MEIKIN: variants seen among roughly 807,000 people sequenced by gnomAD.
The protein encoded by MEIKIN is meiosis-specific kinetochore protein.
intron 8 of MEIKIN, among the ~76,000 whole-genome samples, chr5:131,903,870 C>T (rs76004030): frequency 0.089 from 13,527 of 151,744 alleles, 764 homozygotes; most frequent in East Asian, 0.18. Context: ...CAAAACCCAA[C>T]AGTATGCTGT....
rs374521773 is a variant in MEIKIN at position 131,910,763 on chromosome 5, TA to T, written c.703+1051del. On this transcript the variant is annotated intron_variant, in intron 8 of 12. Transcript: ENST00000442687. ...TAAAAAAATTGTAAAAAGAAATGTG[TA>T]AAAAAAAATCTCTAGAGTAAGTGGC... Among the ~76,000 whole-genome samples the T allele has an allele frequency of 5.4e-3, 819 of 151,332 alleles. 11 individuals are homozygous for T. Among genetic ancestry groups the T allele is most frequent in the South Asian group, 0.041 (196 of 4,804 alleles).
At chr5:131,843,546 T>C (rs1263186286) in intron 11 of MEIKIN, among the ~76,000 whole-genome samples, 1 of 152,248 alleles carries the variant, frequency 6.6e-6, no homozygotes, top group Non-Finnish European at 1.5e-5. Context: ...TCTTAAATTA[T>C]TTCTCTCAAG....
At chr5:131,863,556 C>CTTTTTTTTTTTTTTTTT (rs1750325066) in intron 9 of MEIKIN, among the ~76,000 whole-genome samples, 3 of 42,002 alleles carry the variant, frequency 7.1e-5, no homozygotes, top group African/African-American at 3.7e-4. Context: ...CCTTCTTTGT[C>CTTTTTTTTTTTTTTTTT]CTTTTTTTTT....
At chr5:131,907,352 C>T (rs55887636) in intron 8 of MEIKIN, among the ~76,000 whole-genome samples, 19 of 149,822 alleles carry the variant, frequency 1.3e-4, no homozygotes, top group Admixed American at 3.3e-4. Context: ...AATTCGAAAA[C>T]AATACAAAAA....
chr5:131,852,986 T>G (rs1240266462), intron 10 of MEIKIN, among the ~76,000 whole-genome samples: 1 of 152,182 alleles, frequency 6.6e-6, no homozygotes, highest in Admixed American at 6.5e-5. Flanking sequence ...TATTGATTTT[T>G]GGGCCACTGG....
chr5:131,826,199 T>C (rs1053000790), intron 11 of MEIKIN, among the ~76,000 whole-genome samples: 1 of 151,958 alleles, frequency 6.6e-6, no homozygotes, highest in African/African-American at 2.4e-5. Context: ...AGTGCTGGCA[T>C]TATAGGCATG....
intron 12 of MEIKIN, among the ~76,000 whole-genome samples, chr5:131,809,737 C>T (rs990311036): frequency 2.0e-5 from 3 of 150,530 alleles, no homozygotes; most frequent in Non-Finnish European, 3.0e-5. Flanking sequence ...ACCAGGGAGT[C>T]GGAGGTTGCA....
At chr5:131,892,242 C>T (rs1219390473) in intron 8 of MEIKIN, among the ~76,000 whole-genome samples, 1 of 152,114 alleles carries the variant, frequency 6.6e-6, no homozygotes, top group Non-Finnish European at 1.5e-5. Flanking sequence ...CTCTGTATTT[C>T]CTGAATGTGA....
chr5:131,815,540 G>C (rs181297829), intron 12 of MEIKIN, among the ~76,000 whole-genome samples: 2 of 152,312 alleles, frequency 1.3e-5, no homozygotes. Context: ...CTCCACAGGA[G>C]ACTAATTCTA....
At chr5:131,900,426 G>C (rs1751137346) in intron 8 of MEIKIN, among the ~76,000 whole-genome samples, 1 of 152,186 alleles carries the variant, frequency 6.6e-6, no homozygotes, top group African/African-American at 2.4e-5. Context: ...GAGCAGGCAA[G>C]TAGCAACCCA....
intron 9 of MEIKIN, among the ~76,000 whole-genome samples, chr5:131,863,370 G>C (rs1750321104): frequency 6.6e-6 from 1 of 152,138 alleles, no homozygotes; most frequent in South Asian, 2.1e-4. Flanking sequence ...TAGATGATCT[G>C]TTGAGTGCTG....
rs141056930 is a variant in MEIKIN at position 131,867,536 on chromosome 5, C to G, written c.774+11442G>C. On this transcript the variant is annotated intron_variant, in intron 9 of 12. Transcript: ENST00000442687. ...CTCTGTAATCTGCCTATTCATCCATCCCTTCCTCCTAACCTCTGGCAACCA... is the reference window on the plus strand; with the variant it reads ...CTCTGTAATCTGCCTATTCATCCATGCCTTCCTCCTAACCTCTGGCAACCA... Among the ~76,000 whole-genome samples, 484 of 152,322 alleles carry G rather than the reference C, an allele frequency of 3.2e-3. 3 individuals carry two copies. Among genetic ancestry groups the G allele is most frequent in the African/African-American group, 0.011 (461 of 41,574 alleles).
chr5:131,893,079 T>C (rs1376260966), intron 8 of MEIKIN, among the ~76,000 whole-genome samples: 1 of 152,210 alleles, frequency 6.6e-6, no homozygotes. Context: ...TCTGGAAGTT[T>C]TATCTCAGAG....
At chr5:131,876,384 C>A in intron 9 of MEIKIN, among the ~76,000 whole-genome samples, 1 of 151,264 alleles carries the variant, frequency 6.6e-6, no homozygotes, top group Non-Finnish European at 1.5e-5. Flanking sequence ...GGCCAACGGA[C>A]ACATGAAAAA....
intron 8 of MEIKIN, among the ~76,000 whole-genome samples, chr5:131,884,831 T>A (rs982200472): frequency 6.6e-6 from 1 of 151,848 alleles, no homozygotes; most frequent in Non-Finnish European, 1.5e-5. Flanking sequence ...CAGGCAGCAT[T>A]TACCATAAGC....
intron 8 of MEIKIN, among the ~76,000 whole-genome samples, chr5:131,899,397 A>G (rs1395194362): frequency 6.6e-6 from 1 of 152,156 alleles, no homozygotes; most frequent in Non-Finnish European, 1.5e-5. Flanking sequence ...CTTCATTAAT[A>G]GGAACACAAA....
At chr5:131,893,734 A>G (rs1408502631) in intron 8 of MEIKIN, among the ~76,000 whole-genome samples, 1 of 151,840 alleles carries the variant, frequency 6.6e-6, no homozygotes, top group Non-Finnish European at 1.5e-5. Context: ...TCTTGGGTCC[A>G]CTCCATAAAT....
chr5:131,875,040 C>T (rs1184294548), intron 9 of MEIKIN, among the ~76,000 whole-genome samples: 5 of 151,530 alleles, frequency 3.3e-5, no homozygotes, highest in African/African-American at 7.3e-5. Flanking sequence ...CAATATCATA[C>T]TGAATGGCCA....
chr5:131,910,957 T>C (rs1002105622), intron 8 of MEIKIN, among the ~76,000 whole-genome samples: 9 of 152,110 alleles, frequency 5.9e-5, no homozygotes, highest in Non-Finnish European at 5.9e-5. Flanking sequence ...TTGATTTTGG[T>C]ACACTTACCA....
Sources: gnomAD v4.1 joint callset for allele counts (sites outside exome capture counted in the v4.1 genomes callset) on GRCh38, gnomAD v4.1.1 for gene constraint, MANE v1.5 for transcripts, NCBI Gene and HGNC (gene_info 2026-07-23, HGNC 2026-07-21) for gene names.